The following UTRN variants were observed in gnomAD, a reference collection of about 807,000 sequenced individuals.
The protein encoded by UTRN is dystrophin-related protein 1.
A neutral mutation model predicts 463.9 loss-of-function variants in UTRN; 283 were observed. That is an observed-to-expected ratio of 0.61 (90% CI 0.55 to 0.67). The LOEUF is 0.67. Ranked by LOEUF, UTRN falls within the 30% of genes least tolerant of loss-of-function variation. The probability of loss-of-function intolerance (pLI) is 0.00; values close to 1 mark genes in which losing one functional copy is unlikely to be tolerated. For synonymous variants in UTRN, 1,442 were observed against 1,431.5 expected, an observed-to-expected ratio of 1.01 and a Z score of -0.17; for missense variants, 3,922 against 4,084.3, an observed-to-expected ratio of 0.96 and a Z score of 1.08.
At chr6:144,362,874 CTGTG>C (rs1200814153) in intron 2 of UTRN, among the ~76,000 whole-genome samples, 1 of 152,174 alleles carries the variant, frequency 6.6e-6, no homozygotes. Context: ...TGAGGACCTA[CTGTG>C]TGCCAGGTCA....
intron 25 of UTRN, among the ~76,000 whole-genome samples, chr6:144,477,164 G>A (rs576325816): frequency 2.0e-5 from 3 of 152,268 alleles, no homozygotes; most frequent in African/African-American, 7.2e-5. Context: ...AGTAGAACTG[G>A]GAGGTATTCT....
At chr6:144,786,002 C>A (rs1776260347) in intron 61 of UTRN, among the ~76,000 whole-genome samples, 1 of 152,088 alleles carries the variant, frequency 6.6e-6, no homozygotes, top group Non-Finnish European at 1.5e-5. Flanking sequence ...GCAGTAGTGT[C>A]ATTTGTTCCA....
chr6:144,742,814 C>T (rs564151368), intron 54 of UTRN, among the ~76,000 whole-genome samples: 13 of 152,282 alleles, frequency 8.5e-5, no homozygotes, highest in Middle Eastern at 3.4e-3. Context: ...AATTGTCCAA[C>T]AGTAAAAATG....
chr6:144,718,910 GAGCCGGATCCCTGA>G (rs1399440756), intron 53 of UTRN, among the ~76,000 whole-genome samples: 1 of 152,186 alleles, frequency 6.6e-6, no homozygotes, highest in Admixed American at 6.5e-5. Context: ...GGTGGCACTG[GAGCCGGATCCCTGA>G]AGGGTCAAAA....
chr6:144,675,832 C>T (rs547956704), intron 51 of UTRN, among the ~76,000 whole-genome samples: 14 of 152,234 alleles, frequency 9.2e-5, no homozygotes, highest in East Asian at 7.7e-4. Context: ...CGAAAGTTCA[C>T]GGTGTGAGTC....
At chr6:144,837,021 TG>T (rs910333731) in intron 71 of UTRN, 9 of 161,540 alleles carry the variant, frequency 5.6e-5, no homozygotes, top group Admixed American at 1.7e-4. Context: ...CCATGTTTTA[TG>T]GGAGTTGCTT....
At chr6:144,344,136 T>C in intron 2 of UTRN, 1 of 1,245,726 alleles carries the variant, frequency 8.0e-7, no homozygotes, top group Non-Finnish European at 1.0e-6. Flanking sequence ...GACATCCCAG[T>C]GTGCAGTTCG....
At chr6:144,817,410 A>C (rs2128751976) in intron 65 of UTRN, among the ~76,000 whole-genome samples, 1 of 152,238 alleles carries the variant, frequency 6.6e-6, no homozygotes, top group South Asian at 2.1e-4. Context: ...ATAATATCAA[A>C]AGTTATTTCC....
chr6:144,512,850 T>G (rs2128591287), intron 35 of UTRN, among the ~76,000 whole-genome samples: 1 of 152,286 alleles, frequency 6.6e-6, no homozygotes, highest in African/African-American at 2.4e-5. Flanking sequence ...TACATTTTCT[T>G]TTTTCAACTA....
intron 33 of UTRN, among the ~76,000 whole-genome samples, chr6:144,496,996 A>G (rs1793710781): frequency 6.6e-6 from 1 of 152,226 alleles, no homozygotes; most frequent in Non-Finnish European, 1.5e-5. Flanking sequence ...CTAGGGAGAT[A>G]GGATTAGACA....
chr6:144,339,862 G>A (rs547057675), intron 2 of UTRN, among the ~76,000 whole-genome samples: 13 of 152,216 alleles, frequency 8.5e-5, no homozygotes, highest in South Asian at 8.3e-4. Context: ...TGACTGTAGC[G>A]TAATCATATA....
intron 58 of UTRN, among the ~76,000 whole-genome samples, chr6:144,771,598 G>A (rs1045562338): frequency 2.0e-5 from 3 of 151,678 alleles, no homozygotes; most frequent in African/African-American, 4.8e-5. Context: ...GCTAATTTTT[G>A]TATTTTTAGT....
chr6:144,723,341 CTT>C (rs938730123), intron 53 of UTRN, among the ~76,000 whole-genome samples: 2 of 152,132 alleles, frequency 1.3e-5, no homozygotes, highest in African/African-American at 2.4e-5. Flanking sequence ...GATTGGGTGA[CTT>C]TGTTATATCT....
intron 52 of UTRN, among the ~76,000 whole-genome samples, chr6:144,681,259 G>T (rs771015883): frequency 1.7e-4 from 26 of 152,282 alleles, no homozygotes; most frequent in Non-Finnish European, 1.5e-4. Flanking sequence ...GGTGTCCAGA[G>T]ACAGGTGGCA....
At chr6:144,330,673 TCA>T in intron 2 of UTRN, 1 of 245,966 alleles carries the variant, frequency 4.1e-6, no homozygotes, top group Non-Finnish European at 6.5e-6. Context: ...ATAAGTGTTG[TCA>T]CACGTCTTCA....
intron 50 of UTRN, among the ~76,000 whole-genome samples, chr6:144,560,374 T>C (rs1562574400): frequency 6.6e-6 from 1 of 152,216 alleles, no homozygotes; most frequent in Non-Finnish European, 1.5e-5. Context: ...CTGATTCTTA[T>C]CTGTGTTGAG....
intron 59 of UTRN, 110 bp from the exon 60 acceptor site, chr6:144,774,180 C>G: frequency 9.2e-7 from 1 of 1,086,582 alleles, no homozygotes; most frequent in Non-Finnish European, 1.3e-6. Flanking sequence ...CTTTTTATTT[C>G]AGGCAAACAT....
chr6:144,305,752 G>T (rs1353373332), intron 2 of UTRN, among the ~76,000 whole-genome samples: 1 of 152,236 alleles, frequency 6.6e-6, no homozygotes, highest in Non-Finnish European at 1.5e-5. Context: ...TGACCAGTAG[G>T]CTTTTGGCTG....
At chr6:144,686,405 G>A (rs937382921) in intron 52 of UTRN, among the ~76,000 whole-genome samples, 8 of 152,170 alleles carry the variant, frequency 5.3e-5, no homozygotes, top group South Asian at 2.1e-4. Context: ...AGTTCAGTGC[G>A]CTTGTTCTAG....
Sources: gnomAD v4.1 joint callset for allele counts (sites outside exome capture counted in the v4.1 genomes callset) on GRCh38, gnomAD v4.1.1 for gene constraint, MANE v1.5 for transcripts, NCBI Gene and HGNC (gene_info 2026-07-23, HGNC 2026-07-21) for gene names.